The following PPP5C variants were observed in gnomAD, a reference collection of about 807,000 sequenced individuals.
PPP5C encodes the protein serine/threonine-protein phosphatase 5.
A neutral mutation model predicts 66.7 loss-of-function variants in PPP5C; 21 were observed. That is an observed-to-expected ratio of 0.31 (90% confidence interval 0.22 to 0.45). The LOEUF (loss-of-function observed/expected upper bound fraction) is 0.45, where lower values mean the gene tolerates loss of function less well. PPP5C is among the 20% of genes least tolerant of loss of function. PPP5C has a pLI of 1.00. For missense variants in PPP5C, 464 were observed against 675.9 expected (o/e 0.69, Z 3.48); for synonymous variants, 246 against 257.4 (o/e 0.96, Z 0.43).
intron 2 of PPP5C, among the ~76,000 whole-genome samples, chr19:46,375,001 T>C (rs1972666469): frequency 6.6e-6 from 1 of 152,158 alleles, no homozygotes; most frequent in African/African-American, 2.4e-5. Flanking sequence ...CCCCAGAGTG[T>C]GAGGGAGGGA....
At chr19:46,384,381 T>C (rs1972847023) in intron 6 of PPP5C, 1 of 252,320 alleles carries the variant, frequency 4.0e-6, no homozygotes, top group African/African-American at 2.2e-5. Context: ...TATTTCCCCG[T>C]GTTATGGTAT....
Position 46,375,723 on chromosome 19 carries a change from G to A in PPP5C, c.483G>A (p.Val161=). The part of the protein sequence containing the change: ...AIAGDEHKRS[V]VDSLDIESMT... ...CGGGCGACGAGCACAAGCGCTCCGT[G>A]GTGGACTCGCTGGACATCGAGAGCA... Residue 161 remains valine (V), a synonymous_variant, in exon 3 of 13, where the codon GTG becomes GTA. Transcript: ENST00000012443. The A allele has an allele frequency of 5.6e-6, 9 of 1,608,032 alleles. No individual in the cohort carries two copies. The highest frequency in any genetic ancestry group is 7.6e-6 in the Non-Finnish European group (9 of 1,177,116).
At chr19:46,371,453 C>T (rs73553115) in intron 2 of PPP5C, among the ~76,000 whole-genome samples, 2,518 of 152,230 alleles carry the variant, frequency 0.017, 86 homozygotes, top group African/African-American at 0.058. Flanking sequence ...TCACGGCTAC[C>T]CTGCGCAGTG....
chr19:46,355,400 G>A (rs1399539586), intron 2 of PPP5C, among the ~76,000 whole-genome samples: 1 of 151,054 alleles, frequency 6.6e-6, no homozygotes, highest in East Asian at 2.0e-4. Context: ...TGGTCGCGGG[G>A]CTGAGAAGCA....
intron 2 of PPP5C, among the ~76,000 whole-genome samples, chr19:46,359,231 G>C (rs1488026051): frequency 1.3e-5 from 2 of 151,974 alleles, no homozygotes; most frequent in South Asian, 2.1e-4. Flanking sequence ...GCAAAAAGAA[G>C]ACCTGAATCA....
At chr19:46,357,379 A>G (rs980146501) in intron 2 of PPP5C, among the ~76,000 whole-genome samples, 1 of 152,160 alleles carries the variant, frequency 6.6e-6, no homozygotes, top group African/African-American at 2.4e-5. Flanking sequence ...CTCAGTCAAC[A>G]GTTACACAGA....
intron 2 of PPP5C, among the ~76,000 whole-genome samples, chr19:46,374,236 A>G (rs1972651293): frequency 1.3e-5 from 2 of 152,088 alleles, no homozygotes; most frequent in Admixed American, 6.5e-5. Flanking sequence ...TCCAGCATGG[A>G]TGAGCCTCAC....
At chr19:46,379,093 C>T (rs2147393395) in intron 4 of PPP5C, among the ~76,000 whole-genome samples, 1 of 152,326 alleles carries the variant, frequency 6.6e-6, no homozygotes, top group African/African-American at 2.4e-5. Context: ...CTCATTCTGT[C>T]ACCAGGGTAG....
chr19:46,389,862 A>G (rs1045943582), intron 11 of PPP5C, among the ~76,000 whole-genome samples, 189 bp from the exon 12 acceptor site: 2 of 117,962 alleles, frequency 1.7e-5, no homozygotes, highest in African/African-American at 6.6e-5. Flanking sequence ...CCCCATCCCC[A>G]TCCTCCTGCC....
intron 2 of PPP5C, among the ~76,000 whole-genome samples, chr19:46,367,955 C>A (rs1329250801): frequency 6.6e-6 from 1 of 152,150 alleles, no homozygotes; most frequent in Non-Finnish European, 1.5e-5. Context: ...TTCCCCCGTT[C>A]CAGCTGCACA....
chr19:46,367,750 G>A (rs1972514926), intron 2 of PPP5C, among the ~76,000 whole-genome samples: 1 of 152,140 alleles, frequency 6.6e-6, no homozygotes, highest in South Asian at 2.1e-4. Context: ...GAGAGGCAGG[G>A]ACCAAGTGTC....
intron 2 of PPP5C, among the ~76,000 whole-genome samples, chr19:46,372,329 T>A (rs1269500212): frequency 2.0e-5 from 3 of 151,778 alleles, no homozygotes; most frequent in African/African-American, 7.3e-5. Flanking sequence ...CCCCCCAAAG[T>A]AGCTGGGACT....
rs935838226 is a variant in PPP5C at position 46,361,589 on chromosome 19, T to TAA, written c.363+7625_363+7626dup. On this transcript the variant is annotated intron_variant, in intron 2 of 12. Transcript: ENST00000012443. ...GTGAAACCCTGTCTCTACTAAAAAT[T>TAA]AAAAAAAAAAAAAAAAAAAAAAAAA... is the stretch of plus-strand genomic sequence containing the variant. Among the ~76,000 whole-genome samples the TAA allele has an allele frequency of 7.1e-3, 602 of 85,272 alleles. 4 individuals carry two copies. Among genetic ancestry groups the TAA allele is most frequent in the African/African-American group, 0.013 (276 of 21,400 alleles). 55.9% of individuals were successfully genotyped at this position (85,272 alleles called of 152,430 possible). A position where few individuals can be genotyped will look rare whatever the true frequency, so the allele number is the denominator to read the frequency against.
chr19:46,369,909 G>C (rs1476808163), intron 2 of PPP5C, among the ~76,000 whole-genome samples: 2 of 136,662 alleles, frequency 1.5e-5, no homozygotes, highest in East Asian at 2.1e-4. Context: ...CTGGGCAGCA[G>C]AGCGAGACTC....
chr19:46,382,912 A>G lies in PPP5C; in HGVS notation c.634-499A>G, dbSNP rs1972817444. 6 of 1,085,384 alleles carry G rather than the reference A, an allele frequency of 5.5e-6. No homozygotes were observed. In the South Asian group the frequency reaches 1.6e-4, roughly 28 times the overall value. 67.2% of individuals were successfully genotyped at this position (1,085,384 alleles called of 1,614,324 possible). On this transcript the variant is annotated intron_variant, in intron 4 of 12. Transcript: ENST00000012443. ...TCTGCATTTCTAGACATCTATTAGT[A>G]TTTTAATTCTCCCCAGCTCTCCCCA...
intron 2 of PPP5C, among the ~76,000 whole-genome samples, chr19:46,357,616 G>A (rs900858723): frequency 6.6e-6 from 1 of 152,158 alleles, no homozygotes; most frequent in Non-Finnish European, 1.5e-5. Context: ...CGGTGATTCT[G>A]ACTGACTGGC....
At chr19:46,353,727 C>T in intron 1 of PPP5C, 21 bp from the exon 2 acceptor site, 1 of 1,613,746 alleles carries the variant, frequency 6.2e-7, no homozygotes, top group East Asian at 2.2e-5. Context: ...CTGCCTCATG[C>T]CTCTTCTTCT....
Position 46,376,669 on chromosome 19 carries a change from GC to G in PPP5C, c.633+96del, listed in dbSNP as rs941086196. On this transcript the variant is annotated intron_variant, in intron 4 of 12. Coordinates refer to ENST00000012443, the MANE Select transcript of PPP5C (RefSeq NM_006247.4). This position sits in a 1 kb window ranked among gnomAD's most constrained non-coding sequence, Gnocchi z 5.1. ...CACTGAGCAAAACGACAGGAGAAGG[GC>G]GGCCATGACAGCCAACACCAAACAG... 28 of 1,526,434 alleles carry G rather than the reference GC, an allele frequency of 1.8e-5. No individual in the cohort carries two copies. In the African/African-American group the frequency reaches 3.0e-4, roughly 16 times the overall value. 94.6% of individuals were successfully genotyped at this position (1,526,434 alleles called of 1,614,324 possible).
At chr19:46,386,364 A>C (rs897984126) in intron 7 of PPP5C, among the ~76,000 whole-genome samples, 1 of 152,146 alleles carries the variant, frequency 6.6e-6, no homozygotes, top group Non-Finnish European at 1.5e-5. Flanking sequence ...CTGGGCTCAC[A>C]GGGTTCACGC....
Sources: gnomAD v4.1 joint callset for allele counts (sites outside exome capture counted in the v4.1 genomes callset) on GRCh38, gnomAD v4.1.1 for gene constraint, Gnocchi (gnomAD v3.1) non-coding constraint, MANE v1.5 for transcripts, NCBI Gene and HGNC (gene_info 2026-07-23, HGNC 2026-07-21) for gene names.